The following TRPM7 variants were observed in gnomAD, a reference collection of about 807,000 sequenced individuals.
TRPM7 encodes the protein transient receptor potential cation channel subfamily M member 7.
Under a neutral mutation model 229.7 loss-of-function variants are expected in TRPM7, and 134 were observed. The ratio of observed to expected loss-of-function variants is 0.58; its 90% confidence interval spans 0.51 to 0.67. TRPM7 has a LOEUF of 0.67. Among genes scored for constraint, TRPM7 ranks in the 30% least tolerant of loss-of-function variants. The probability of loss-of-function intolerance (pLI) is 0.00; values close to 1 mark genes in which losing one functional copy is unlikely to be tolerated. For missense variants in TRPM7, 1,901 were observed against 2,210.0 expected (o/e 0.86, Z 2.80); for synonymous variants, 699 against 715.2 (o/e 0.98, Z 0.36).
chr15:50,621,289 C>T (rs1267999024), intron 12 of TRPM7, among the ~76,000 whole-genome samples: 2 of 151,618 alleles, frequency 1.3e-5, no homozygotes, highest in Non-Finnish European at 2.9e-5. Context: ...TAAGACGTAT[C>T]TCATATTTTG....
Position 50,574,386 on chromosome 15 carries a change from A to G in TRPM7, c.5196T>C (p.Asn1732=), listed in dbSNP as rs2054038250. 1.2e-6 allele frequency: 2 copies of G among 1,613,870 alleles called. No individual in the cohort carries two copies. The highest frequency in any genetic ancestry group is 1.7e-6 in the Non-Finnish European group (2 of 1,179,862). ...TTGGAATAATCTCATCTCCATTATT[A>G]TTGTTGTATTTTCTAAATTCTCCAG... ...CMTGEFRKYN[N]NNGDEIIPTN... Residue 1732 remains asparagine (N), a synonymous_variant, in exon 36 of 39, where the codon AAT becomes AAC. Transcript: ENST00000646667.
chr15:50,686,419 G>A, intron 1 of TRPM7, 112 bp downstream of exon 1: 2 of 1,568,120 alleles, frequency 1.3e-6, no homozygotes, highest in Non-Finnish European at 1.8e-6. Context: ...GGCAATTCGA[G>A]GGTCCTTCGC....
intron 10 of TRPM7, among the ~76,000 whole-genome samples, chr15:50,629,962 A>C (rs1024272315): frequency 2.0e-5 from 3 of 148,498 alleles, no homozygotes; most frequent in Non-Finnish European, 4.4e-5. Flanking sequence ...TCCGGGTTCA[A>C]GCAATTCTTG....
chr15:50,577,157 G>T (rs976065489), intron 31 of TRPM7, among the ~76,000 whole-genome samples: 6 of 151,950 alleles, frequency 3.9e-5, no homozygotes, highest in African/African-American at 1.2e-4. Context: ...TAAAGTGTGT[G>T]TGGGGGGGTA....
rs9919956 is a variant in TRPM7 at position 50,670,945 on chromosome 15, G to T, written c.4-7899C>A. ...TCTTAGCAGTCTGGGAGGCCAATGG[G>T]GGCAGATTGCTGGAGCTCAGGAATT... is the stretch of plus-strand genomic sequence containing the variant. On this transcript the variant is annotated intron_variant, in intron 1 of 38. Transcript: ENST00000646667. Among the ~76,000 whole-genome samples the T allele has an allele frequency of 7.9e-3, 1,200 of 152,194 alleles. 20 individuals carry two copies. Among genetic ancestry groups the T allele is most frequent in the African/African-American group, 0.028 (1,149 of 41,534 alleles).
chr15:50,682,790 A>G (rs1286471769), intron 1 of TRPM7, among the ~76,000 whole-genome samples: 1 of 152,184 alleles, frequency 6.6e-6, no homozygotes, highest in Non-Finnish European at 1.5e-5. Context: ...ACCCATCTTA[A>G]GTTCTTTTTA....
At chr15:50,609,776 A>G in intron 18 of TRPM7, 30 bp downstream of exon 18, 1 of 1,599,738 alleles carries the variant, frequency 6.3e-7, no homozygotes, top group Non-Finnish European at 8.5e-7. Context: ...GAACAAACTT[A>G]TATTTACTTT....
In TRPM7 at chr15:50,599,113, A is replaced by G; in HGVS notation, c.3163+9T>C. On this transcript the variant is annotated intron_variant, in intron 22 of 38. Transcript: ENST00000646667. ...CCAAAAGATAAATCTGTAAATATAC[A>G]ATTCTTACCATCAATTTCGTATGCA... The G allele has an allele frequency of 1.3e-6, 2 of 1,574,134 alleles. No homozygotes were observed. The highest frequency in any genetic ancestry group is 8.6e-7 in the Non-Finnish European group (1 of 1,156,322).
chr15:50,673,741 G>T (rs527311878), intron 1 of TRPM7, among the ~76,000 whole-genome samples: 1 of 152,040 alleles, frequency 6.6e-6, no homozygotes. Context: ...ATAAACATGC[G>T]TACGCAAGTA....
Position 50,609,979 on chromosome 15 carries a change from T to A in TRPM7, c.2281-18A>T, listed in dbSNP as rs755626560. 1 of 1,518,134 alleles carries A rather than the reference T, an allele frequency of 6.6e-7. No individual in the cohort carries two copies. The highest frequency in any genetic ancestry group is 1.7e-4 in the Middle Eastern group (1 of 5,764). The allele number at this position is 1,518,134 out of a possible 1,614,324, so 94.0% of individuals were successfully genotyped here. The stretch of plus-strand genomic sequence containing the variant: ...AGTATGACCTAAATTTTTAGAAACA[T>A]AATTTTGCATTTAAAAATTAATGAC... On this transcript the variant is annotated intron_variant, in intron 17 of 38. Coordinates refer to ENST00000646667, the MANE Select transcript of TRPM7 (RefSeq NM_017672.6).
At chr15:50,632,245 A>G (rs1160341910) in intron 9 of TRPM7, among the ~76,000 whole-genome samples, 1 of 151,960 alleles carries the variant, frequency 6.6e-6, no homozygotes, top group African/African-American at 2.4e-5. Flanking sequence ...GTGAGCTGAG[A>G]TTGCACCACG....
At chr15:50,607,359 C>G (rs760391065) in intron 19 of TRPM7, 31 bp from the exon 20 acceptor site, 1 of 1,479,336 alleles carries the variant, frequency 6.8e-7, no homozygotes, top group South Asian at 1.4e-5. Context: ...ACATAAATAA[C>G]ATTGGTTACA....
chr15:50,614,394 G>C (rs2060154171), intron 13 of TRPM7, 131 bp from the exon 14 acceptor site: 6 of 812,122 alleles, frequency 7.4e-6, no homozygotes, highest in Non-Finnish European at 1.1e-5. Flanking sequence ...GCCAGGTGCA[G>C]TGGCTCACGC....
chr15:50,605,809 CA>C (rs1227700143), intron 20 of TRPM7, among the ~76,000 whole-genome samples: 2 of 152,106 alleles, frequency 1.3e-5, no homozygotes, highest in Non-Finnish European at 2.9e-5. Flanking sequence ...TATCATTTAA[CA>C]AATCAATTTC....
rs1365833337 is a variant in TRPM7 at position 50,575,772 on chromosome 15, A to T, written c.4687T>A (p.Leu1563Met). The change falls in exon 33 of 39, where the codon TTG becomes ATG. Residue 1563 changes from leucine (L) to methionine (M), a missense_variant. This residue lies in a region of TRPM7 where 533 missense variants were observed against 497.1 expected (regional missense o/e 1.07). Transcript: ENST00000646667. ...YYYSAVERNNLMRLSQSIPFT... is the reference protein window; with the variant it reads ...YYYSAVERNNMMRLSQSIPFT... ...GGAATGCTCTGTGATAACCTCATCA[A>T]GTTATTTCTTTCCACAGCTGCATAA... 3 of 1,613,590 alleles carry T rather than the reference A, an allele frequency of 1.9e-6. No homozygotes were observed. The highest frequency in any genetic ancestry group is 1.7e-6 in the Non-Finnish European group (2 of 1,179,766).
intron 1 of TRPM7, among the ~76,000 whole-genome samples, chr15:50,669,221 C>T (rs1340790976): frequency 1.3e-5 from 2 of 152,104 alleles, no homozygotes; most frequent in Non-Finnish European, 2.9e-5. Flanking sequence ...GTAGGTGGAT[C>T]ACCTGAGGTC....
chr15:50,586,790 G>A (rs1453152501), intron 27 of TRPM7, among the ~76,000 whole-genome samples: 10 of 152,238 alleles, frequency 6.6e-5, no homozygotes, highest in South Asian at 4.1e-4. Context: ...AGGTCGAGGC[G>A]GGCGGATCAT....
chr15:50,594,022 C>G (rs1442195448), intron 24 of TRPM7, among the ~76,000 whole-genome samples: 1 of 152,168 alleles, frequency 6.6e-6, no homozygotes, highest in East Asian at 1.9e-4. Flanking sequence ...TCATACCTCT[C>G]CCTCACGTAT....
intron 2 of TRPM7, among the ~76,000 whole-genome samples, chr15:50,662,479 T>C (rs79289968): frequency 2.5e-3 from 376 of 152,324 alleles, no homozygotes; most frequent in Non-Finnish European, 4.5e-3. Context: ...CAGACACCTA[T>C]AGTCTCTGAT....
Sources: allele counts gnomAD v4.1 joint callset (sites outside exome capture counted in the v4.1 genomes callset), GRCh38; gene constraint gnomAD v4.1.1; regional missense constraint gnomAD v4.1.1; transcripts MANE v1.5; gene names NCBI Gene and HGNC (gene_info 2026-07-23, HGNC 2026-07-21).